The following KDM4A variants were observed in gnomAD, a reference collection of about 807,000 sequenced individuals.
KDM4A encodes the protein lysine demethylase 4A.
A neutral mutation model predicts 127.1 loss-of-function variants in KDM4A; 23 were observed. The ratio of observed to expected loss-of-function variants is 0.18; its 90% confidence interval spans 0.13 to 0.26. KDM4A has a LOEUF of 0.26. Ranked by LOEUF, KDM4A falls within the 10% of genes least tolerant of loss-of-function variation. The pLI, the probability that KDM4A is intolerant of heterozygous loss-of-function variation, is 1.00. For missense variants in KDM4A, 890 were observed against 1,329.1 expected, an observed-to-expected ratio of 0.67 and a Z score of 5.14; for synonymous variants, 443 against 466.5, an observed-to-expected ratio of 0.95 and a Z score of 0.65.
chr1:43,670,848 A>ACCATGCCTGGC (rs1195549356), intron 10 of KDM4A, among the ~76,000 whole-genome samples: 104 of 152,196 alleles, frequency 6.8e-4, no homozygotes, highest in Non-Finnish European at 1.4e-3. Context: ...GCAGTGAGCC[A>ACCATGCCTGGC]CCATGCCTGG....
intron 12 of KDM4A, among the ~76,000 whole-genome samples, chr1:43,686,432 G>A (rs1660982410): frequency 6.6e-6 from 1 of 151,782 alleles, no homozygotes; most frequent in Non-Finnish European, 1.5e-5. Context: ...TGCCTCCTGG[G>A]TTCAAGTGAT....
At position 43,683,762 on chromosome 1, in the gene KDM4A, C is replaced by T. The variant is rs149269662; in HGVS notation, c.1813C>T (p.Arg605Cys). The T allele has an allele frequency of 3.1e-6, 5 of 1,614,116 alleles. No homozygotes were observed. The highest frequency in any genetic ancestry group is 2.2e-5 in the East Asian group (1 of 44,876). The change falls in exon 12 of 22, where the codon CGC becomes TGC. Residue 605 changes from arginine (R) to cysteine (C), a missense_variant. Coordinates refer to ENST00000372396, the MANE Select transcript of KDM4A (RefSeq NM_014663.3). Reference protein sequence around the residue: ...GRRQPLSKLPRHHPLVLQECV... With the variant: ...GRRQPLSKLPCHHPLVLQECV... ...CCGTCAGCCTTTAAGCAAGCTCCCC[C>T]GCCATCACCCACTTGTGCTGCAGGA...
chr1:43,663,355 C>T (rs1179365753), intron 5 of KDM4A, among the ~76,000 whole-genome samples: 1 of 152,162 alleles, frequency 6.6e-6, no homozygotes, highest in African/African-American at 2.4e-5. Context: ...GGCTATCCCA[C>T]TGCTTTCTAA....
intron 13 of KDM4A, chr1:43,690,640 C>T: frequency 3.3e-6 from 2 of 611,182 alleles, no homozygotes; most frequent in Non-Finnish European, 2.9e-6. Flanking sequence ...CCCCTAGGGG[C>T]CTTTGTATGA....
intron 5 of KDM4A, among the ~76,000 whole-genome samples, chr1:43,664,904 G>A (rs1039618305): frequency 1.3e-5 from 2 of 152,144 alleles, no homozygotes; most frequent in African/African-American, 4.8e-5. Flanking sequence ...GAGTCCTTTA[G>A]GTGACATTTT....
chr1:43,677,573 G>A (rs76046851), intron 11 of KDM4A, among the ~76,000 whole-genome samples: 1 of 152,204 alleles, frequency 6.6e-6, no homozygotes, highest in African/African-American at 2.4e-5. Flanking sequence ...CCTTAATGTA[G>A]GCCAGCGCCT....
rs1334391453 is a variant in KDM4A at position 43,667,994 on chromosome 1, G to C, written c.1138G>C (p.Gly380Arg). The C allele has an allele frequency of 6.2e-7, 1 of 1,613,956 alleles. No homozygotes were observed. Among genetic ancestry groups the C allele is most frequent in the Non-Finnish European group, 8.5e-7 (1 of 1,179,996 alleles). Residue 380 changes from glycine (G) to arginine (R), a missense_variant, in exon 9 of 22, where the codon GGA becomes CGA. Gly to Arg is a moderately radical substitution (Grantham distance 125). Coordinates refer to ENST00000372396, the MANE Select transcript of KDM4A (RefSeq NM_014663.3). ...GGAGGACATGGAAGGGGTGGAGGATGGAGAGGAAGGAGACCTGAAGACAAG... is the reference window on the plus strand; with the variant it reads ...GGAGGACATGGAAGGGGTGGAGGATCGAGAGGAAGGAGACCTGAAGACAAG... ...PEEDMEGVED[G>R]EEGDLKTSLA...
intron 10 of KDM4A, 109 bp downstream of exon 10, chr1:43,669,408 C>T (rs1423585449): frequency 1.1e-5 from 12 of 1,084,722 alleles, no homozygotes; most frequent in South Asian, 8.0e-5. Flanking sequence ...GTGACAGGTC[C>T]GTGAGCAGAT....
In KDM4A at chr1:43,704,102, A is replaced by G. The variant is rs1056554688; in HGVS notation, c.3044A>G (p.Lys1015Arg). ...GATGAAGAGCTTCCCAAGAGAGTCA[A>G]ATCTAGACTGGTGAGTATTTTCTGT... The part of the protein sequence containing the change: ...TLDEELPKRV[K>R]SRLSVASDMR... Residue 1015 changes from lysine (K) to arginine (R), a missense_variant, in exon 21 of 22, where the codon AAA becomes AGA. Transcript: ENST00000372396. 1.9e-6 allele frequency: 3 copies of G among 1,613,962 alleles called. No individual in the cohort carries two copies. Among genetic ancestry groups the G allele is most frequent in the East Asian group, 2.2e-5 (1 of 44,896 alleles).
chr1:43,683,805 G>C lies in KDM4A; in HGVS notation c.1855+1G>C. The C allele has an allele frequency of 6.2e-7, 1 of 1,613,600 alleles. No homozygotes were observed. The highest frequency in any genetic ancestry group is 8.5e-7 in the Non-Finnish European group (1 of 1,179,806). Reference sequence around the variant, plus strand: ...CTGCAGGAGTGTGTCAGTGATGATGGTAAGTGTTGTTTTTTCTTCACCAGG... The same window carrying C: ...CTGCAGGAGTGTGTCAGTGATGATGCTAAGTGTTGTTTTTTCTTCACCAGG... On this transcript the variant is annotated splice_donor_variant, in intron 12 of 21. Transcript: ENST00000372396. LOFTEE classifies it high-confidence loss of function.
chr1:43,681,751 T>C (rs1660864465), intron 11 of KDM4A, among the ~76,000 whole-genome samples: 1 of 152,154 alleles, frequency 6.6e-6, no homozygotes, highest in Non-Finnish European at 1.5e-5. Context: ...TATTGGGGTA[T>C]AGGAATAAAG....
intron 2 of KDM4A, among the ~76,000 whole-genome samples, chr1:43,654,944 G>A (rs774867948): frequency 6.6e-6 from 1 of 151,644 alleles, no homozygotes; most frequent in Non-Finnish European, 1.5e-5. Context: ...CTCTGCCTCC[G>A]GGTTCAAGCG....
chr1:43,690,512 T>G (rs1661083801), intron 13 of KDM4A: 2 of 370,782 alleles, frequency 5.4e-6, no homozygotes, highest in African/African-American at 4.2e-5. Flanking sequence ...CCTCCCGAAG[T>G]GCTGGAATTA....
At chr1:43,690,750 C>G in intron 13 of KDM4A, 95 bp from the exon 14 acceptor site, 2 of 1,149,888 alleles carry the variant, frequency 1.7e-6, no homozygotes, top group Non-Finnish European at 1.3e-6. Flanking sequence ...ATAGTCAGAT[C>G]GGTAAGAGAG....
intron 11 of KDM4A, among the ~76,000 whole-genome samples, chr1:43,681,522 C>T (rs568512001): frequency 1.3e-5 from 2 of 152,202 alleles, no homozygotes; most frequent in Non-Finnish European, 2.9e-5. Flanking sequence ...GTACCCTACA[C>T]AGCTTGTTTA....
chr1:43,690,851 T>C lies in KDM4A; in HGVS notation c.2044T>C (p.Phe682Leu), dbSNP rs755082680. ...MIFQTYHQVE[F>L]GGFNQNCGNA... The stretch of plus-strand genomic sequence containing the variant: ...ACTTGTTCTTTCCCCTTAGGTTGAA[T>C]TTGGAGGCTTTAATCAGAACTGTGG... Residue 682 changes from phenylalanine to leucine, a missense_variant, in exon 14 of 22, where the codon TTT becomes CTT. By Grantham distance (22) the Phe-to-Leu change is conservative (BLOSUM62 0). Coordinates refer to ENST00000372396, the MANE Select transcript of KDM4A (RefSeq NM_014663.3). 6.2e-7 allele frequency: 1 copy of C among 1,614,208 alleles called. No individual in the cohort carries two copies. The highest frequency in any genetic ancestry group is 8.5e-7 in the Non-Finnish European group (1 of 1,180,036).
intron 11 of KDM4A, among the ~76,000 whole-genome samples, chr1:43,681,711 CG>C (rs1660863206): frequency 6.6e-6 from 1 of 152,058 alleles, no homozygotes; most frequent in African/African-American, 2.4e-5. Context: ...AAAGTGATGG[CG>C]GGGGCAGGTC....
At chr1:43,704,195 G>A in intron 21 of KDM4A, 35 bp from the exon 22 acceptor site, 1 of 1,613,884 alleles carries the variant, frequency 6.2e-7, no homozygotes, top group Non-Finnish European at 8.5e-7. Context: ...TTGTTCCTGG[G>A]GTAGCTGACA....
In KDM4A at chr1:43,661,004, C is replaced by T. The variant is rs1660362217; in HGVS notation, c.429+592C>T. Among the ~76,000 whole-genome samples, 3 of 148,546 alleles carry T rather than the reference C, an allele frequency of 2.0e-5. No individual in the cohort carries two copies. The South Asian group carries it at 6.3e-4, about 31-fold the overall frequency. On this transcript the variant is annotated intron_variant, in intron 4 of 21. Transcript: ENST00000372396. Reference sequence around the variant, plus strand: ...TTTTTTTTTTTTTGAGACGGAGTTTCGCTTTTGTTGCCCGGGCTGGAGTGC... The same window carrying T: ...TTTTTTTTTTTTTGAGACGGAGTTTTGCTTTTGTTGCCCGGGCTGGAGTGC...
Sources: gnomAD v4.1 joint callset for allele counts (sites outside exome capture counted in the v4.1 genomes callset) on GRCh38, gnomAD v4.1.1 for gene constraint, MANE v1.5 for transcripts, NCBI Gene and HGNC (gene_info 2026-07-23, HGNC 2026-07-21) for gene names.